Variants in SLC10A7 observed in about 807,000 individuals in gnomAD.
The protein encoded by SLC10A7 is solute carrier family 10 member 7.
A neutral mutation model predicts 43.2 loss-of-function variants in SLC10A7; 29 were observed. The observed-to-expected ratio is 0.67, with a 90% CI of 0.50 to 0.92. The LOEUF is 0.92. Ranked by LOEUF, SLC10A7 falls within the 40% of genes least tolerant of loss-of-function variation. The pLI is 0.00. For synonymous variants in SLC10A7, 152 were observed against 144.8 expected, an observed-to-expected ratio of 1.05 and a Z score of -0.35; for missense variants, 295 against 403.2, an observed-to-expected ratio of 0.73 and a Z score of 2.30.
intron 6 of SLC10A7, among the ~76,000 whole-genome samples, chr4:146,310,468 T>C (rs998957379): frequency 5.3e-5 from 8 of 152,294 alleles, no homozygotes; most frequent in African/African-American, 1.7e-4. Flanking sequence ...CTTTTCTCTG[T>C]AGCCTCTCCA....
intron 4 of SLC10A7, among the ~76,000 whole-genome samples, chr4:146,495,597 T>C (rs562681528): frequency 1.2e-4 from 19 of 152,190 alleles, no homozygotes; most frequent in Non-Finnish European, 2.5e-4. Context: ...TAATGAGTGC[T>C]TCATTTGCTT....
chr4:146,518,962 C>G (rs938184600), intron 1 of SLC10A7, among the ~76,000 whole-genome samples: 1 of 149,506 alleles, frequency 6.7e-6, no homozygotes, highest in East Asian at 1.9e-4. Context: ...AACTAATACA[C>G]TCACTTAAGC....
At chr4:146,386,496 T>A (rs1311418349) in intron 5 of SLC10A7, among the ~76,000 whole-genome samples, 1 of 152,210 alleles carries the variant, frequency 6.6e-6, no homozygotes, top group Non-Finnish European at 1.5e-5. Context: ...CTCTGTTACT[T>A]GCAAACTGTG....
intron 9 of SLC10A7, 53 bp downstream of exon 9, chr4:146,292,876 C>T: frequency 7.8e-7 from 1 of 1,283,964 alleles, no homozygotes; most frequent in Non-Finnish European, 1.1e-6. Context: ...GCCAAGTAGA[C>T]CGCATGATTC....
intron 4 of SLC10A7, among the ~76,000 whole-genome samples, chr4:146,490,352 T>A (rs6837453): frequency 0.78 from 119,108 of 152,170 alleles, 46,951 homozygotes; most frequent in East Asian, 0.95. Context: ...AAACTCACAT[T>A]AAGAGTTAGG....
At chr4:146,348,190 A>G (rs1734760304) in intron 5 of SLC10A7, among the ~76,000 whole-genome samples, 1 of 152,206 alleles carries the variant, frequency 6.6e-6, no homozygotes, top group Non-Finnish European at 1.5e-5. Flanking sequence ...TTCTGTAATT[A>G]CCAAACCTCG....
chr4:146,316,087 T>C (rs2149694303), intron 6 of SLC10A7, among the ~76,000 whole-genome samples: 1 of 152,254 alleles, frequency 6.6e-6, no homozygotes, highest in East Asian at 1.9e-4. Context: ...GGAAGATTAA[T>C]ATGAAATTCC....
chr4:146,461,485 G>T lies in SLC10A7; in HGVS notation c.397-18664C>A, dbSNP rs1001080490. 4.6e-5 allele frequency among the ~76,000 whole-genome samples: 7 copies of T among 152,030 alleles called. No individual in the cohort carries two copies. In the South Asian group the frequency reaches 1.2e-3, roughly 27 times the overall value. ...AGTATTCATTCTCCAAGTTCCCTAA[G>T]AACTTAGGTTGTACAAGGAAACAAG... On this transcript the variant is annotated intron_variant, in intron 4 of 11. Coordinates refer to ENST00000335472, the MANE Select transcript of SLC10A7 (RefSeq NM_001029998.6).
Position 146,256,335 on chromosome 4 carries a change from C to G in SLC10A7, c.*156G>C. ...CATATTTTGGAAATAACGCTCTTGT[C>G]AAATACATTTTAAGGCACTTAAACA... On this transcript the variant is annotated 3_prime_UTR_variant, in exon 12 of 12. Transcript: ENST00000335472. 1.5e-6 allele frequency: 1 copy of G among 682,510 alleles called. No homozygotes were observed. The highest frequency in any genetic ancestry group is 2.5e-6 in the Non-Finnish European group (1 of 400,348). 42.3% of individuals were successfully genotyped at this position (682,510 alleles called of 1,614,324 possible). A position where few individuals can be genotyped will look rare whatever the true frequency, so the allele number is the denominator to read the frequency against.
chr4:146,315,550 T>A (rs1239789878), intron 6 of SLC10A7, among the ~76,000 whole-genome samples: 1 of 152,154 alleles, frequency 6.6e-6, no homozygotes, highest in Non-Finnish European at 1.5e-5. Context: ...ATTAAAAATT[T>A]TCTTTCAGTA....
At chr4:146,521,579 T>C (rs774708187) in intron 1 of SLC10A7, 39 bp downstream of exon 1, 21 of 1,557,546 alleles carry the variant, frequency 1.3e-5, no homozygotes, top group Middle Eastern at 1.7e-4. Flanking sequence ...AGTTCTGAAG[T>C]GGGAGCCGCG....
chr4:146,485,135 T>C (rs1159125802), intron 4 of SLC10A7, among the ~76,000 whole-genome samples: 1 of 152,194 alleles, frequency 6.6e-6, no homozygotes, highest in Non-Finnish European at 1.5e-5. Context: ...CAACTTCCTA[T>C]TGTGTCTATC....
At chr4:146,363,594 A>G (rs146424544) in intron 5 of SLC10A7, among the ~76,000 whole-genome samples, 132 of 152,302 alleles carry the variant, frequency 8.7e-4, no homozygotes, top group African/African-American at 3.1e-3. Flanking sequence ...AGAATAGACC[A>G]TGTGGTAGGC....
chr4:146,406,312 T>C (rs769014160), intron 5 of SLC10A7, among the ~76,000 whole-genome samples: 7 of 152,252 alleles, frequency 4.6e-5, no homozygotes, highest in Non-Finnish European at 8.8e-5. Flanking sequence ...GCTAAGGAAC[T>C]CTTGGCTCTA....
chr4:146,258,058 T>C (rs921332463), intron 11 of SLC10A7, among the ~76,000 whole-genome samples: 13 of 152,232 alleles, frequency 8.5e-5, no homozygotes, highest in African/African-American at 2.4e-4. Context: ...CCACGTGATA[T>C]GCACCATCTA....
At chr4:146,275,594 G>A (rs1008108828) in intron 10 of SLC10A7, among the ~76,000 whole-genome samples, 1 of 151,848 alleles carries the variant, frequency 6.6e-6, no homozygotes, top group African/African-American at 2.4e-5. Context: ...AGTATTTATG[G>A]GAAGTGACCT....
chr4:146,405,670 T>C (rs1338518053), intron 5 of SLC10A7, among the ~76,000 whole-genome samples: 1 of 152,196 alleles, frequency 6.6e-6, no homozygotes, highest in Admixed American at 6.5e-5. Context: ...GTCTACCATA[T>C]ATAAAATTTT....
chr4:146,404,487 T>C (rs914188439), intron 5 of SLC10A7, among the ~76,000 whole-genome samples: 2 of 151,578 alleles, frequency 1.3e-5, no homozygotes, highest in African/African-American at 2.4e-5. Context: ...TGTGTGTGTG[T>C]GTGTGTGTGT....
intron 5 of SLC10A7, among the ~76,000 whole-genome samples, chr4:146,336,251 T>G (rs1233170299): frequency 1.3e-5 from 2 of 152,128 alleles, no homozygotes; most frequent in African/African-American, 4.8e-5. Flanking sequence ...AGTTTGCAGA[T>G]CTCTGCTCTG....
Sources: gnomAD v4.1 joint callset for allele counts (sites outside exome capture counted in the v4.1 genomes callset) on GRCh38, gnomAD v4.1.1 for gene constraint, MANE v1.5 for transcripts, NCBI Gene and HGNC (gene_info 2026-07-23, HGNC 2026-07-21) for gene names.